The following PRELID2 variants were observed in gnomAD, a reference collection of about 807,000 sequenced individuals.
The protein encoded by PRELID2 is PRELI domain containing 2, also known as PRELI domain-containing protein 2.
PRELID2 carries 25 observed loss-of-function variants against 28.4 expected under a neutral mutation model. That is an observed-to-expected ratio of 0.88 (90% CI 0.64 to 1.23). The LOEUF is 1.23. PRELID2 is among the 50% of genes most tolerant of loss of function. The pLI is 0.00. For missense variants in PRELID2, 201 were observed against 214.4 expected (o/e 0.94, Z 0.39); for synonymous variants, 76 against 71.6 (o/e 1.06, Z -0.31).
At chr5:145,720,131 C>T (rs1755948355) in intron 1 of PRELID2, among the ~76,000 whole-genome samples, 1 of 151,704 alleles carries the variant, frequency 6.6e-6, no homozygotes, top group South Asian at 2.1e-4. Flanking sequence ...GATCCAATTA[C>T]ATGTAATTGA....
intron 1 of PRELID2, among the ~76,000 whole-genome samples, chr5:145,734,891 G>C (rs1048141963): frequency 3.3e-5 from 5 of 152,120 alleles, no homozygotes; most frequent in Admixed American, 2.0e-4. Context: ...GGCTTTTAAG[G>C]CTCCTGCTGA....
At chr5:145,825,245 A>AAC (rs1755106572) in intron 1 of PRELID2, among the ~76,000 whole-genome samples, 1 of 132,352 alleles carries the variant, frequency 7.6e-6, no homozygotes. Context: ...AAAAAAAAAA[A>AAC]AAAAAAAAAA....
intron 5 of PRELID2, among the ~76,000 whole-genome samples, chr5:145,790,959 T>C (rs1450651367): frequency 1.3e-5 from 2 of 150,938 alleles, no homozygotes; most frequent in African/African-American, 4.9e-5. Flanking sequence ...TATATACCCA[T>C]GTTTATAGCA....
At chr5:145,608,040 G>GTTTTTT (rs112958431) in intron 1 of PRELID2, among the ~76,000 whole-genome samples, 1 of 136,920 alleles carries the variant, frequency 7.3e-6, no homozygotes, top group African/African-American at 2.6e-5. Context: ...TTTAAAGCCC[G>GTTTTTT]TTTTTTTTTT....
intron 1 of PRELID2, among the ~76,000 whole-genome samples, chr5:145,583,126 G>A (rs1175749144): frequency 6.6e-5 from 10 of 152,198 alleles, no homozygotes; most frequent in African/African-American, 2.2e-4. Context: ...GGGATGCAAG[G>A]TTGCTTCAAC....
At chr5:145,249,801 T>A in the PRELID2 span, among the ~76,000 whole-genome samples, 2 of 152,126 alleles carry the variant, frequency 1.3e-5, no homozygotes, top group Non-Finnish European at 2.9e-5. Context: ...AAAGACATAA[T>A]TTTAAATCCT....
chr5:145,554,918 A>G (rs754951082), intron 1 of PRELID2, among the ~76,000 whole-genome samples: 1 of 152,200 alleles, frequency 6.6e-6, no homozygotes, highest in Non-Finnish European at 1.5e-5. Context: ...GTTTTAGGCA[A>G]TTCAAGCAAT....
chr5:145,628,535 C>A (rs1453046132), intron 1 of PRELID2, among the ~76,000 whole-genome samples: 3 of 151,996 alleles, frequency 2.0e-5, no homozygotes, highest in Non-Finnish European at 2.9e-5. Flanking sequence ...TGTTGGCCAG[C>A]CTGGTTTTGA....
chr5:145,306,039 T>C, the PRELID2 span, among the ~76,000 whole-genome samples: 1 of 152,186 alleles, frequency 6.6e-6, no homozygotes, highest in Non-Finnish European at 1.5e-5. Flanking sequence ...AGCAGACTCT[T>C]GCACGACAAA....
the PRELID2 span, among the ~76,000 whole-genome samples, chr5:145,413,479 G>T: frequency 6.6e-6 from 1 of 152,270 alleles, no homozygotes; most frequent in South Asian, 2.1e-4. Flanking sequence ...CCACTACTGA[G>T]TATCTAAAAG....
the PRELID2 span, among the ~76,000 whole-genome samples, chr5:145,454,840 T>C: frequency 6.6e-5 from 10 of 152,328 alleles, no homozygotes; most frequent in Admixed American, 5.9e-4. Context: ...GCTTTTTTCT[T>C]GTAAATTTGT....
At chr5:145,764,652 A>G (rs866680407) in intron 6 of PRELID2, among the ~76,000 whole-genome samples, 5 of 152,226 alleles carry the variant, frequency 3.3e-5, no homozygotes, top group African/African-American at 4.8e-5. Context: ...TTACAAATCT[A>G]TAACACCTTG....
intron 1 of PRELID2, among the ~76,000 whole-genome samples, chr5:145,547,554 T>G (rs1356350969): frequency 6.6e-6 from 1 of 152,212 alleles, no homozygotes; most frequent in Non-Finnish European, 1.5e-5. Context: ...TATTTCTTTT[T>G]CAGCCTGTGT....
the PRELID2 span, among the ~76,000 whole-genome samples, chr5:145,414,680 A>T: frequency 6.6e-6 from 1 of 152,214 alleles, no homozygotes; most frequent in African/African-American, 2.4e-5. Flanking sequence ...GACCTGGCAG[A>T]ATTGTGAATC....
the PRELID2 span, chr5:145,338,198 C>T: frequency 1.3e-5 from 2 of 152,172 alleles, no homozygotes; most frequent in Non-Finnish European, 2.9e-5. Context: ...TTCATATTAG[C>T]TTACCCCATT....
intron 1 of PRELID2, among the ~76,000 whole-genome samples, chr5:145,734,632 C>T (rs1756443373): frequency 6.6e-6 from 1 of 152,132 alleles, no homozygotes; most frequent in Non-Finnish European, 1.5e-5. Context: ...ACTAATCCAG[C>T]CAGCCAATCT....
chr5:145,412,665 G>C, the PRELID2 span, among the ~76,000 whole-genome samples: 1 of 152,088 alleles, frequency 6.6e-6, no homozygotes, highest in Non-Finnish European at 1.5e-5. Flanking sequence ...TTCTAAAACT[G>C]TTTACACATT....
intron 1 of PRELID2, among the ~76,000 whole-genome samples, chr5:145,727,315 C>T (rs1581104681): frequency 6.6e-6 from 1 of 152,174 alleles, no homozygotes; most frequent in East Asian, 1.9e-4. Flanking sequence ...GGTTTTATGC[C>T]CTGGGCTTAG....
chr5:145,814,840 T>C (rs1581256991), intron 4 of PRELID2, among the ~76,000 whole-genome samples: 1 of 152,216 alleles, frequency 6.6e-6, no homozygotes, highest in South Asian at 2.1e-4. Flanking sequence ...TTTTCACCCA[T>C]TATACTGGCA....
Sources: allele counts gnomAD v4.1 joint callset (sites outside exome capture counted in the v4.1 genomes callset), GRCh38; gene constraint gnomAD v4.1.1; transcripts MANE v1.5; gene names NCBI Gene and HGNC (gene_info 2026-07-23, HGNC 2026-07-21).